Variants in AATF observed in about 807,000 individuals in gnomAD.
AATF encodes the protein apoptosis antagonizing transcription factor, also known as protein AATF.
Under a neutral mutation model 63.7 loss-of-function variants are expected in AATF, and 48 were observed. The ratio of observed to expected loss-of-function variants is 0.75; its 90% CI spans 0.60 to 0.96. The LOEUF is 0.96. Ranked by LOEUF, AATF falls within the 40% of genes least tolerant of loss-of-function variation. The probability of loss-of-function intolerance (pLI) is 0.00; values close to 1 mark genes in which losing one functional copy is unlikely to be tolerated. For missense variants in AATF, 639 were observed against 685.7 expected (o/e 0.93, Z 0.76); for synonymous variants, 258 against 247.7 (o/e 1.04, Z -0.39).
chr17:36,977,986 G>C (rs556757278), intron 4 of AATF, among the ~76,000 whole-genome samples: 1 of 152,240 alleles, frequency 6.6e-6, no homozygotes, highest in African/African-American at 2.4e-5. Context: ...AGAGTATTCA[G>C]GGAAACCTAA....
intron 11 of AATF, among the ~76,000 whole-genome samples, chr17:37,037,655 T>C (rs1245176542): frequency 6.6e-6 from 1 of 152,146 alleles, no homozygotes; most frequent in Admixed American, 6.5e-5. Flanking sequence ...CCCCCATAAA[T>C]AAGTACACAT....
At chr17:36,961,641 A>G (rs1401447601) in intron 4 of AATF, among the ~76,000 whole-genome samples, 3 of 152,134 alleles carry the variant, frequency 2.0e-5, no homozygotes, top group Middle Eastern at 3.4e-3. Flanking sequence ...TTCCCTGGAA[A>G]TGTAGTTGCT....
Position 36,978,723 on chromosome 17 carries a change from A to G in AATF, c.833-7894A>G, listed in dbSNP as rs113837688. ...ATATCTAGAAATTCTAGTTGGCCATATGTTGGAAATGATAGCAACTTATCC... is the reference window on the plus strand; with the variant it reads ...ATATCTAGAAATTCTAGTTGGCCATGTGTTGGAAATGATAGCAACTTATCC... On this transcript the variant is annotated intron_variant, in intron 4 of 11. Coordinates refer to ENST00000619387, the MANE Select transcript of AATF (RefSeq NM_012138.4). 3.9e-3 allele frequency among the ~76,000 whole-genome samples: 594 copies of G among 151,992 alleles called. 7 individuals carry two copies. The highest frequency in any genetic ancestry group is 0.014 in the African/African-American group (574 of 41,418).
At chr17:36,985,205 A>G (rs1232410462) in intron 4 of AATF, among the ~76,000 whole-genome samples, 2 of 151,890 alleles carry the variant, frequency 1.3e-5, no homozygotes, top group African/African-American at 2.4e-5. Flanking sequence ...CCTGGCCTCC[A>G]AAGTTCTGAG....
In AATF at chr17:36,953,204, G is replaced by C. The variant is rs553191463; in HGVS notation, c.602G>C (p.Arg201Thr). ...GESEEDRAGD[R>T]NSEDDGVVMT... ...AGTGAGGAAGACAGGGCTGGAGATA[G>C]AAACAGTGAGGATGATGGTGTGGTG... is the stretch of plus-strand genomic sequence containing the variant. Residue 201 changes from arginine to threonine, a missense_variant, in exon 3 of 12, where the codon AGA becomes ACA. Coordinates refer to ENST00000619387, the MANE Select transcript of AATF (RefSeq NM_012138.4). The C allele has an allele frequency of 3.1e-6, 5 of 1,614,216 alleles. No homozygotes were observed. In the South Asian group the frequency reaches 5.5e-5, roughly 18 times the overall value.
chr17:37,002,906 T>C (rs973796152), intron 8 of AATF, among the ~76,000 whole-genome samples: 2 of 91,188 alleles, frequency 2.2e-5, no homozygotes, highest in Non-Finnish European at 4.3e-5. Context: ...TGTTGCTGTT[T>C]TTTTTTTTTT....
chr17:36,953,646 CAT>C, intron 3 of AATF, 122 bp from the exon 4 acceptor site: 1 of 895,596 alleles, frequency 1.1e-6, no homozygotes, highest in East Asian at 2.5e-5. Flanking sequence ...GTTTCCATGG[CAT>C]TAAACTGCTA....
chr17:37,024,757 G>A lies in AATF; in HGVS notation c.1547+3743G>A, dbSNP rs575771938. ...GTGGATGGCTTGAGGTCAGAAGTTT[G>A]AGACAAGCCTGGCCAACATGGTGAA... On this transcript the variant is annotated intron_variant, in intron 10 of 11. Coordinates refer to ENST00000619387, the MANE Select transcript of AATF (RefSeq NM_012138.4). Among the ~76,000 whole-genome samples, 132 of 152,248 alleles carry A rather than the reference G, an allele frequency of 8.7e-4. 1 individual carries two copies. The highest frequency in any genetic ancestry group is 1.6e-3 in the Non-Finnish European group (107 of 68,006).
intron 10 of AATF, among the ~76,000 whole-genome samples, chr17:37,031,102 C>G (rs1382780794): frequency 6.6e-6 from 1 of 152,130 alleles, no homozygotes; most frequent in South Asian, 2.1e-4. Flanking sequence ...GAAAAATGTA[C>G]AGTCAGCCCT....
intron 11 of AATF, among the ~76,000 whole-genome samples, chr17:37,037,195 T>C (rs2071600667): frequency 6.6e-6 from 1 of 152,030 alleles, no homozygotes; most frequent in Non-Finnish European, 1.5e-5. Flanking sequence ...TTTTGTATTT[T>C]TAATAGAGGT....
chr17:37,023,224 T>C (rs1028173693), intron 10 of AATF, among the ~76,000 whole-genome samples: 1 of 152,180 alleles, frequency 6.6e-6, no homozygotes, highest in Non-Finnish European at 1.5e-5. Flanking sequence ...ATCCCTGCTT[T>C]GGGGATTTGG....
intron 10 of AATF, among the ~76,000 whole-genome samples, chr17:37,028,388 C>T (rs950553000): frequency 6.6e-6 from 1 of 151,926 alleles, no homozygotes; most frequent in African/African-American, 2.4e-5. Flanking sequence ...GAGCCGTGAT[C>T]GCACACTGCA....
chr17:37,035,642 A>G (rs778829707), intron 11 of AATF, among the ~76,000 whole-genome samples: 3 of 150,630 alleles, frequency 2.0e-5, no homozygotes, highest in East Asian at 2.0e-4. Flanking sequence ...AGGTTCAGCA[A>G]TTCTCCTGCC....
chr17:37,010,568 C>T (rs1238054421), intron 8 of AATF, among the ~76,000 whole-genome samples: 20 of 152,160 alleles, frequency 1.3e-4, no homozygotes. Flanking sequence ...TCTCTGCTCT[C>T]ACACAGCATA....
intron 4 of AATF, among the ~76,000 whole-genome samples, chr17:36,954,653 A>G (rs148764196): frequency 3.5e-4 from 54 of 152,352 alleles, no homozygotes; most frequent in African/African-American, 1.2e-3. Flanking sequence ...CTAGAAGAGG[A>G]AAAGGAATTG....
At chr17:37,002,095 G>A (rs1419513804) in intron 8 of AATF, among the ~76,000 whole-genome samples, 5 of 151,380 alleles carry the variant, frequency 3.3e-5, no homozygotes, top group Admixed American at 2.0e-4. Context: ...CCAGCCACTC[G>A]CAAGGCTGAG....
intron 8 of AATF, among the ~76,000 whole-genome samples, chr17:37,005,945 T>C (rs1240124007): frequency 6.6e-6 from 1 of 151,698 alleles, no homozygotes; most frequent in Admixed American, 6.6e-5. Context: ...CTGGGCAACA[T>C]AGTGAGACCC....
intron 8 of AATF, among the ~76,000 whole-genome samples, chr17:37,005,610 A>C (rs1207545274): frequency 1.3e-5 from 2 of 152,200 alleles, no homozygotes; most frequent in Non-Finnish European, 2.9e-5. Flanking sequence ...TTTAAACACA[A>C]ATGACATATA....
chr17:36,964,765 C>A (rs766204581), intron 4 of AATF, among the ~76,000 whole-genome samples: 4 of 151,668 alleles, frequency 2.6e-5, no homozygotes, highest in Admixed American at 6.6e-5. Context: ...CCCTCCCCCC[C>A]ACTGTAGCTC....
Sources: gnomAD v4.1 joint callset for allele counts (sites outside exome capture counted in the v4.1 genomes callset) on GRCh38, gnomAD v4.1.1 for gene constraint, MANE v1.5 for transcripts, NCBI Gene and HGNC (gene_info 2026-07-23, HGNC 2026-07-21) for gene names.